The following ARHGAP40 variants were observed in gnomAD, a reference collection of about 807,000 sequenced individuals.
ARHGAP40 encodes the protein rho GTPase-activating protein 40.
ARHGAP40 carries 43 observed loss-of-function variants against 73.5 expected under a neutral mutation model. That is an observed-to-expected ratio of 0.58 (90% CI 0.46 to 0.75). The LOEUF is 0.75. Ranked by LOEUF, ARHGAP40 falls within the 30% of genes least tolerant of loss-of-function variation. The probability of loss-of-function intolerance (pLI) is 0.00; values close to 1 mark genes in which losing one functional copy is unlikely to be tolerated. For synonymous variants in ARHGAP40, 300 were observed against 352.8 expected (o/e 0.85, Z 1.68); for missense variants, 734 against 861.8 (o/e 0.85, Z 1.86).
At chr20:38,633,389 G>A (rs1009470083) in intron 5 of ARHGAP40, among the ~76,000 whole-genome samples, 1 of 152,180 alleles carries the variant, frequency 6.6e-6, no homozygotes, top group African/African-American at 2.4e-5. Flanking sequence ...TATTAAGTTA[G>A]TGATAACTGT....
exon 5 of ARHGAP40, chr20:38,629,529 A>C: frequency 1.5e-6 from 2 of 1,305,416 alleles, no homozygotes; most frequent in Non-Finnish European, 2.0e-6. Flanking sequence ...CTGCAGGAGC[A>C]GGCTGGGAGG....
chr20:38,626,861 A>C, intron 2 of ARHGAP40, 134 bp from the exon 3 acceptor site: 1 of 588,050 alleles, frequency 1.7e-6, no homozygotes, highest in Non-Finnish European at 2.6e-6. Flanking sequence ...GGTTGGTGTT[A>C]ATAGGTCTCA....
At position 38,646,258 on chromosome 20, in the gene ARHGAP40, T is replaced by C. The variant is rs1387353592; in HGVS notation, c.1710+71T>C. ...AGGAGGGCACCTGGGGCGCGGTGCT[T>C]CCCTTCCTCCAGGTCCCCGCTACCG... On this transcript the variant is annotated intron_variant, in intron 12 of 14. Transcript: ENST00000373345. This position sits in a 1 kb window ranked among gnomAD's most constrained non-coding sequence, Gnocchi z 4.5. 4 of 1,216,926 alleles carry C rather than the reference T, an allele frequency of 3.3e-6. No individual in the cohort carries two copies. The East Asian group carries it at 2.5e-4, about 76-fold the overall frequency. 75.4% of individuals were successfully genotyped at this position (1,216,926 alleles called of 1,614,324 possible). A position where few individuals can be genotyped will look rare whatever the true frequency, so the allele number is the denominator to read the frequency against.
intron 1 of ARHGAP40, among the ~76,000 whole-genome samples, chr20:38,614,118 G>A (rs1047281081): frequency 6.6e-6 from 1 of 152,202 alleles, no homozygotes; most frequent in Non-Finnish European, 1.5e-5. Flanking sequence ...GTTGTGCACT[G>A]CATGTGAGTG....
chr20:38,615,846 T>C (rs2088833866), intron 1 of ARHGAP40, among the ~76,000 whole-genome samples: 1 of 152,116 alleles, frequency 6.6e-6, no homozygotes. Flanking sequence ...AGCAATCATT[T>C]CCCTAAGCGA....
At chr20:38,632,264 TA>T (rs2088944904) in intron 5 of ARHGAP40, among the ~76,000 whole-genome samples, 1 of 138,988 alleles carries the variant, frequency 7.2e-6, no homozygotes, top group Non-Finnish European at 1.6e-5. Flanking sequence ...GCACCCGGCC[TA>T]AATTTTTTTT....
chr20:38,626,022 G>A (rs2088897271), intron 2 of ARHGAP40, among the ~76,000 whole-genome samples: 2 of 152,130 alleles, frequency 1.3e-5, no homozygotes, highest in African/African-American at 4.8e-5. Context: ...AAAAATGTCT[G>A]GCATCATGAT....
At chr20:38,615,146 C>T (rs899635029) in intron 1 of ARHGAP40, 13 of 956,048 alleles carry the variant, frequency 1.4e-5, no homozygotes, top group African/African-American at 9.6e-5. Flanking sequence ...CGTCTGCCTT[C>T]GGGATGTTGT....
chr20:38,602,124 A>C (rs184057598), intron 1 of ARHGAP40, 45 bp downstream of exon 1: 6 of 1,251,850 alleles, frequency 4.8e-6, no homozygotes, highest in African/African-American at 1.5e-5. Context: ...CCTACTATGC[A>C]CCAGGGGCAT....
At chr20:38,614,018 C>A (rs1402787261) in intron 1 of ARHGAP40, among the ~76,000 whole-genome samples, 2 of 152,108 alleles carry the variant, frequency 1.3e-5, no homozygotes, top group African/African-American at 4.8e-5. Context: ...TAAGATTTAC[C>A]TTTTATAACA....
chr20:38,628,934 C>T (rs956487770), exon 4 of ARHGAP40: 8 of 1,304,252 alleles, frequency 6.1e-6, no homozygotes, highest in Middle Eastern at 2.1e-4. Flanking sequence ...TAGAAAATGT[C>T]GTCAGAGAAT....
exon 15 of ARHGAP40, chr20:38,650,356 A>G (rs1002711026): frequency 1.7e-5 from 8 of 471,238 alleles, no homozygotes; most frequent in Non-Finnish European, 3.5e-5. Context: ...AATTGTTTCG[A>G]AAGTGGCCCT....
chr20:38,639,463 G>A, intron 9 of ARHGAP40, 77 bp downstream of exon 9: 1 of 1,257,786 alleles, frequency 8.0e-7, no homozygotes, highest in South Asian at 1.3e-5. Flanking sequence ...GGGAAGCCAT[G>A]CAAAGGCAGG....
chr20:38,647,226 G>GGTCAGGCCAAC, intron 13 of ARHGAP40, 100 bp downstream of exon 13: 2 of 1,087,218 alleles, frequency 1.8e-6, no homozygotes, highest in Non-Finnish European at 1.2e-6. Flanking sequence ...CTGTTGGCCT[G>GGTCAGGCCAAC]ACCTGGCCTT....
exon 9 of ARHGAP40, chr20:38,639,368 G>A (rs774025319): frequency 2.3e-6 from 3 of 1,305,414 alleles, no homozygotes; most frequent in South Asian, 2.5e-5. Context: ...GTACCTCCCG[G>A]CCTTCGCCGT....
intron 2 of ARHGAP40, among the ~76,000 whole-genome samples, chr20:38,624,049 A>T (rs1031413026): frequency 1.4e-4 from 21 of 152,180 alleles, no homozygotes; most frequent in African/African-American, 5.1e-4. Context: ...AGCAATAATC[A>T]ATTATTATGA....
intron 1 of ARHGAP40, among the ~76,000 whole-genome samples, chr20:38,610,172 T>TAAAATTTATTTGGTAA (rs1569007281): frequency 4.8e-4 from 73 of 152,340 alleles, no homozygotes; most frequent in African/African-American, 1.7e-3. Context: ...GTTATGCATC[T>TAAAATTTATTTGGTAA]CTGTGTGTGT....
chr20:38,605,503 G>A (rs1051017182), intron 1 of ARHGAP40, among the ~76,000 whole-genome samples: 1 of 152,144 alleles, frequency 6.6e-6, no homozygotes. Flanking sequence ...ATGCAATATT[G>A]GCCTTGGGAG....
At chr20:38,610,200 G>A (rs1021694682) in intron 1 of ARHGAP40, among the ~76,000 whole-genome samples, 1 of 152,204 alleles carries the variant, frequency 6.6e-6, no homozygotes, top group East Asian at 1.9e-4. Flanking sequence ...TCTCCGGAGA[G>A]AGGATCCACA....
Sources: gnomAD v4.1 joint callset for allele counts (sites outside exome capture counted in the v4.1 genomes callset) on GRCh38, gnomAD v4.1.1 for gene constraint, Gnocchi (gnomAD v3.1) non-coding constraint, MANE v1.5 for transcripts, NCBI Gene and HGNC (gene_info 2026-07-23, HGNC 2026-07-21) for gene names.